ST8SIA6: variants seen among roughly 807,000 people sequenced by gnomAD.
ST8SIA6 encodes ST8 alpha-N-acetyl-neuraminide alpha-2,8-sialyltransferase 6.
In ST8SIA6, 39 loss-of-function variants were observed where a neutral mutation model predicts 33.6. The ratio of observed to expected loss-of-function variants is 1.16; its 90% CI spans 0.90 to 1.52. The LOEUF is 1.52. Ranked by LOEUF, ST8SIA6 falls within the 40% of genes most tolerant of loss-of-function variation. The pLI, the probability that ST8SIA6 is intolerant of heterozygous loss-of-function variation, is 0.00. For missense variants in ST8SIA6, 441 were observed against 443.8 expected (o/e 0.99, Z 0.06); for synonymous variants, 172 against 167.2 (o/e 1.03, Z -0.22).
rs138723719 is a variant in ST8SIA6, at chr10:17,412,255, C to T, written c.201-21635G>A. ...TGCTAGCCTATCCCTCATCCCAGGC[C>T]CTCCAACCTCCAGCCACTGCAACTC... On this transcript the variant is annotated intron_variant, in intron 2 of 7. Transcript: ENST00000377602. Among the ~76,000 whole-genome samples the T allele has an allele frequency of 1.6e-3, 238 of 152,166 alleles. 1 individual carries two copies. The highest frequency in any genetic ancestry group is 1.8e-3 in the Non-Finnish European group (125 of 68,010).
At chr10:17,365,743 T>C (rs1849538571) in intron 3 of ST8SIA6, among the ~76,000 whole-genome samples, 2 of 152,328 alleles carry the variant, frequency 1.3e-5, no homozygotes, top group African/African-American at 4.8e-5. Context: ...AACTACTGTA[T>C]TGGGTACTTA....
chr10:17,336,841 C>T (rs986387392), intron 4 of ST8SIA6, among the ~76,000 whole-genome samples: 1 of 152,096 alleles, frequency 6.6e-6, no homozygotes, highest in Non-Finnish European at 1.5e-5. Flanking sequence ...TGATCCACCC[C>T]CCTCGGCCTC....
At chr10:17,397,235 T>TG (rs1474840957) in intron 2 of ST8SIA6, among the ~76,000 whole-genome samples, 2 of 144,472 alleles carry the variant, frequency 1.4e-5, no homozygotes, top group Non-Finnish European at 3.0e-5. Flanking sequence ...TGTTTTTTGT[T>TG]TTTTTTTTTT....
chr10:17,363,107 C>G (rs1273371789), intron 3 of ST8SIA6, among the ~76,000 whole-genome samples: 1 of 152,184 alleles, frequency 6.6e-6, no homozygotes, highest in African/African-American at 2.4e-5. Flanking sequence ...CTTAAAACTT[C>G]CCTCAGTACT....
At chr10:17,372,860 G>A (rs973120894) in intron 3 of ST8SIA6, among the ~76,000 whole-genome samples, 1 of 152,092 alleles carries the variant, frequency 6.6e-6, no homozygotes, top group African/African-American at 2.4e-5. Flanking sequence ...TTGGTTTCAT[G>A]GGGCAGCCCT....
At chr10:17,447,488 A>T (rs769427837) in intron 2 of ST8SIA6, among the ~76,000 whole-genome samples, 4 of 152,160 alleles carry the variant, frequency 2.6e-5, no homozygotes, top group African/African-American at 4.8e-5. Context: ...AGTGCCCTCA[A>T]ATATCTAAAG....
rs1851511876 is a variant in ST8SIA6 at position 17,413,386 on chromosome 10, T to C, written c.201-22766A>G. 3 of 152,184 alleles carry C rather than the reference T, an allele frequency of 2.0e-5. 1 individual carries two copies. The highest frequency in any genetic ancestry group is 4.1e-4 in the South Asian group (2 of 4,826). 9.4% of individuals were successfully genotyped at this position (152,184 alleles called of 1,614,324 possible). On this transcript the variant is annotated intron_variant, in intron 2 of 7. Transcript: ENST00000377602. ...TGTAATTTGGAATTTACGAGTCTTA[T>C]CACATTCTCATTCTGCTTGAGCAAT...
At position 17,315,624 on chromosome 10, in the gene ST8SIA6, G is replaced by A. The variant is rs555531644; in HGVS notation, c.*5254C>T. ...CGAGCAAAAGTGCAAGACAAGAAAT[G>A]AGTACAGACAGTAAGATTCCATTTA... On this transcript the variant is annotated 3_prime_UTR_variant, in exon 8 of 8. Coordinates refer to ENST00000377602, the MANE Select transcript of ST8SIA6 (RefSeq NM_001004470.3). Among the ~76,000 whole-genome samples, 17 of 151,972 alleles carry A rather than the reference G, an allele frequency of 1.1e-4. No individual in the cohort carries two copies. Among genetic ancestry groups the A allele is most frequent in the Non-Finnish European group, 2.1e-4 (14 of 67,906 alleles).
At chr10:17,399,599 C>T (rs1351140170) in intron 2 of ST8SIA6, among the ~76,000 whole-genome samples, 1 of 152,082 alleles carries the variant, frequency 6.6e-6, no homozygotes, top group Non-Finnish European at 1.5e-5. Flanking sequence ...TGCCCTCCTA[C>T]CATAGTTGCA....
At chr10:17,408,198 G>A (rs942144285) in intron 2 of ST8SIA6, 4 of 152,586 alleles carry the variant, frequency 2.6e-5, no homozygotes, top group African/African-American at 9.7e-5. Context: ...ACTGGATGAC[G>A]ACCGAAGAAA....
At chr10:17,450,664 A>T (rs535233423) in intron 2 of ST8SIA6, among the ~76,000 whole-genome samples, 6 of 151,752 alleles carry the variant, frequency 4.0e-5, no homozygotes, top group African/African-American at 1.2e-4. Context: ...CTAGTCTCGA[A>T]CTCCTGACTT....
In ST8SIA6 at chr10:17,331,608, T is replaced by C. The variant is rs1320445837; in HGVS notation, c.378-56A>G. On this transcript the variant is annotated intron_variant, in intron 4 of 7. Transcript: ENST00000377602. ...AAGTATAAGATTAAGAAACCGAAAA[T>C]GCAGACCACGATGGACAATGCCGAA... 13 of 1,548,524 alleles carry C rather than the reference T, an allele frequency of 8.4e-6. 1 individual carries two copies. The highest frequency in any genetic ancestry group is 1.1e-5 in the Non-Finnish European group (13 of 1,152,058).
chr10:17,452,086 G>A (rs1478449607), intron 2 of ST8SIA6, among the ~76,000 whole-genome samples: 3 of 152,152 alleles, frequency 2.0e-5, no homozygotes, highest in Non-Finnish European at 2.9e-5. Flanking sequence ...ACAGGACTCG[G>A]GAAAAGATGG....
Position 17,320,884 on chromosome 10 carries a change from G to C in ST8SIA6, c.1191C>G (p.Val397=), listed in dbSNP as rs764990879. 6.2e-7 allele frequency: 1 copy of C among 1,613,474 alleles called. No homozygotes were observed. Among genetic ancestry groups the C allele is most frequent in the Admixed American group, 1.7e-5 (1 of 59,960 alleles). Residue 397 remains valine (V), a synonymous_variant, in exon 8 of 8, where the codon GTC becomes GTG. Coordinates refer to ENST00000377602, the MANE Select transcript of ST8SIA6 (RefSeq NM_001004470.3). ...ILKLQFSKCE[V]A is the part of the protein sequence containing the mutation. ...CCATTTTAAGATACTTTGTTTAGGC[G>C]ACTTCACATTTGCTAAATTGCAGTT... is the stretch of plus-strand genomic sequence containing the variant.
intron 2 of ST8SIA6, among the ~76,000 whole-genome samples, chr10:17,396,511 G>A (rs1369758773): frequency 6.6e-6 from 1 of 152,156 alleles, no homozygotes; most frequent in Non-Finnish European, 1.5e-5. Context: ...GAAACATGGT[G>A]CAGCTGGGTG....
intron 3 of ST8SIA6, 119 bp from the exon 4 acceptor site, chr10:17,359,719 C>A: frequency 2.0e-6 from 1 of 502,246 alleles, no homozygotes; most frequent in Non-Finnish European, 3.4e-6. Flanking sequence ...TAAGGTGAGG[C>A]AGAAATAATT....
At position 17,407,323 on chromosome 10, in the gene ST8SIA6, C is replaced by T. The variant is rs1851302927; in HGVS notation, c.201-16703G>A. On this transcript the variant is annotated intron_variant, in intron 2 of 7. Transcript: ENST00000377602. ...GTTCAAACCAGCTGAGACCACCAAC[C>T]CTCTGAATGCACCTGCATGGATGTC... Among the ~76,000 whole-genome samples, 3 of 152,298 alleles carry T rather than the reference C, an allele frequency of 2.0e-5. No homozygotes were observed. The South Asian group carries it at 6.2e-4, about 32-fold the overall frequency.
At chr10:17,453,224 T>C (rs1345490272) in intron 2 of ST8SIA6, among the ~76,000 whole-genome samples, 1 of 130,546 alleles carries the variant, frequency 7.7e-6, no homozygotes, top group Non-Finnish European at 1.6e-5. Flanking sequence ...AAAGACAGGC[T>C]GAGCTGCTTC....
chr10:17,394,416 A>G (rs1052146112), intron 2 of ST8SIA6, among the ~76,000 whole-genome samples: 1 of 151,862 alleles, frequency 6.6e-6, no homozygotes, highest in Admixed American at 6.6e-5. Flanking sequence ...TGGGATGTAT[A>G]TAAAAACACC....
Sources: gnomAD v4.1 joint callset for allele counts (sites outside exome capture counted in the v4.1 genomes callset) on GRCh38, gnomAD v4.1.1 for gene constraint, MANE v1.5 for transcripts, NCBI Gene and HGNC (gene_info 2026-07-23, HGNC 2026-07-21) for gene names.